The following AP4E1 variants were observed in gnomAD, a reference collection of about 807,000 sequenced individuals.
The protein encoded by AP4E1 is AP-4 complex subunit epsilon-1.
A neutral mutation model predicts 128.2 loss-of-function variants in AP4E1; 56 were observed. The observed-to-expected ratio is 0.44, with a 90% confidence interval of 0.35 to 0.55. The LOEUF (loss-of-function observed/expected upper bound fraction) is 0.55. Among genes scored for constraint, AP4E1 ranks in the 20% least tolerant of loss-of-function variants. The pLI is 0.00. For synonymous variants in AP4E1, 484 were observed against 473.1 expected (o/e 1.02, Z -0.30); for missense variants, 1,324 against 1,307.7 (o/e 1.01, Z -0.19).
chr15:50,938,425 C>T (rs2063938037), intron 8 of AP4E1, among the ~76,000 whole-genome samples: 1 of 152,236 alleles, frequency 6.6e-6, no homozygotes, highest in South Asian at 2.1e-4. Context: ...GCCAAGATTT[C>T]CATCATCACC....
rs114592442 is a variant in AP4E1, at chr15:50,969,530, A to G, written c.1966+1153A>G. ...ATTTTTAAATTTTCTTAATTGACAA[A>G]TAATTATACATATTCATGGGGAATA... On this transcript the variant is annotated intron_variant, in intron 15 of 20. Transcript: ENST00000261842. 4.6e-3 allele frequency among the ~76,000 whole-genome samples: 697 copies of G among 152,116 alleles called. 7 individuals are homozygous for G. Among genetic ancestry groups the G allele is most frequent in the African/African-American group, 0.016 (653 of 41,482 alleles).
intron 5 of AP4E1, among the ~76,000 whole-genome samples, chr15:50,926,296 C>T (rs907361031): frequency 2.0e-5 from 3 of 151,856 alleles, no homozygotes; most frequent in African/African-American, 4.8e-5. Flanking sequence ...GCCACCATGC[C>T]CAGCTAATTT....
chr15:50,951,726 C>CTTTTTTT (rs71127166), intron 13 of AP4E1, among the ~76,000 whole-genome samples: 14 of 126,026 alleles, frequency 1.1e-4, no homozygotes, highest in African/African-American at 2.1e-4. Context: ...AATTTTCTTT[C>CTTTTTTT]TTTTTTTTTT....
intron 15 of AP4E1, among the ~76,000 whole-genome samples, chr15:50,978,170 G>A (rs2064584524): frequency 2.0e-5 from 3 of 152,074 alleles, no homozygotes; most frequent in Admixed American, 2.0e-4. Flanking sequence ...AGGTGAGATG[G>A]TGGGGAACAA....
chr15:51,003,035 A>T lies in AP4E1; in HGVS notation c.*373A>T, dbSNP rs985225785. 4.6e-6 allele frequency: 1 copy of T among 218,534 alleles called. No individual in the cohort carries two copies. Among genetic ancestry groups the T allele is most frequent in the Non-Finnish European group, 9.3e-6 (1 of 107,880 alleles). 13.5% of individuals were successfully genotyped at this position (218,534 alleles called of 1,614,324 possible). A position where few individuals can be genotyped will look rare whatever the true frequency, so the allele number is the denominator to read the frequency against. On this transcript the variant is annotated 3_prime_UTR_variant, in exon 21 of 21. Coordinates refer to ENST00000261842, the MANE Select transcript of AP4E1 (RefSeq NM_007347.5). The stretch of plus-strand genomic sequence containing the variant: ...ATAAAGCCAAGTCTCAGTTTTCTGC[A>T]TTAAATGGAAGGGAGACATGAAATT...
chr15:50,919,943 G>A (rs1045767455), intron 3 of AP4E1, among the ~76,000 whole-genome samples: 4 of 151,604 alleles, frequency 2.6e-5, no homozygotes, highest in Admixed American at 2.0e-4. Context: ...CTTGTGTGGT[G>A]GTACATGCCT....
chr15:50,997,495 G>A lies in AP4E1; in HGVS notation c.2516G>A (p.Gly839Glu). The A allele has an allele frequency of 1.9e-6, 3 of 1,614,060 alleles. No individual in the cohort carries two copies. The highest frequency in any genetic ancestry group is 2.5e-6 in the Non-Finnish European group (3 of 1,179,976). Residue 839 changes from glycine (G) to glutamate (E), a missense_variant, in exon 18 of 21, where the codon GGA becomes GAA. Transcript: ENST00000261842. ...DYYSNTLHDT[G>E]DKELKKFSLT... ...TATTCGAATACTTTGCACGATACAG[G>A]AGACAAGGAATTAAAGAAATTTTCT...
chr15:50,918,432 AT>A (rs2063655319), intron 3 of AP4E1, among the ~76,000 whole-genome samples: 1 of 152,208 alleles, frequency 6.6e-6, no homozygotes, highest in Non-Finnish European at 1.5e-5. Flanking sequence ...TAGGCAGGAA[AT>A]TTTGAAAACA....
intron 18 of AP4E1, among the ~76,000 whole-genome samples, chr15:50,998,160 A>G (rs1243930441): frequency 6.6e-6 from 1 of 151,062 alleles, no homozygotes; most frequent in Non-Finnish European, 1.5e-5. Context: ...GATTGCTGGA[A>G]GTATGTTTAA....
chr15:50,960,907 A>G (rs1297145051), intron 14 of AP4E1, among the ~76,000 whole-genome samples: 1 of 152,056 alleles, frequency 6.6e-6, no homozygotes, highest in Non-Finnish European at 1.5e-5. Context: ...AAGAGAGAAG[A>G]TTCAAATAAG....
At chr15:50,920,920 TCCCGAGTAACTGGGATTACAGGTG>T (rs1177374772) in intron 3 of AP4E1, among the ~76,000 whole-genome samples, 1 of 152,180 alleles carries the variant, frequency 6.6e-6, no homozygotes. Flanking sequence ...TGCCTCAGCC[TCCCGAGTAACTGGGATTACAGGTG>T]CCCGCCTGCC....
intron 17 of AP4E1, among the ~76,000 whole-genome samples, chr15:50,994,974 A>T (rs900273189): frequency 2.0e-5 from 3 of 152,170 alleles, no homozygotes; most frequent in Non-Finnish European, 4.4e-5. Context: ...ACTGAAGAGT[A>T]GAAAAAGGAG....
chr15:50,969,895 G>A (rs1011335512), intron 15 of AP4E1, among the ~76,000 whole-genome samples: 34 of 152,014 alleles, frequency 2.2e-4, no homozygotes, highest in Non-Finnish European at 4.4e-4. Flanking sequence ...TCCTGACCTC[G>A]TGATCTGCCC....
At chr15:50,924,401 TA>T (rs1168199253) in intron 4 of AP4E1, among the ~76,000 whole-genome samples, 1 of 152,102 alleles carries the variant, frequency 6.6e-6, no homozygotes, top group African/African-American at 2.4e-5. Context: ...AAAAGTCATT[TA>T]AAAAAAGAAT....
intron 2 of AP4E1, among the ~76,000 whole-genome samples, chr15:50,915,020 C>T (rs748337858): frequency 6.6e-6 from 1 of 152,096 alleles, no homozygotes; most frequent in Non-Finnish European, 1.5e-5. Context: ...ATTTTTGTTA[C>T]AGGAATTATT....
At chr15:50,988,213 T>C (rs935409516) in intron 16 of AP4E1, among the ~76,000 whole-genome samples, 1 of 152,228 alleles carries the variant, frequency 6.6e-6, no homozygotes, top group Non-Finnish European at 1.5e-5. Flanking sequence ...CCATTATAAA[T>C]TGAAAATATC....
chr15:50,909,535 C>G (rs2063537892), intron 1 of AP4E1, among the ~76,000 whole-genome samples: 1 of 152,182 alleles, frequency 6.6e-6, no homozygotes, highest in East Asian at 1.9e-4. Context: ...GTCTCTGCCT[C>G]AAGTGGGCTT....
intron 11 of AP4E1, among the ~76,000 whole-genome samples, chr15:50,949,488 T>C (rs2064114922): frequency 6.6e-6 from 1 of 152,112 alleles, no homozygotes; most frequent in African/African-American, 2.4e-5. Context: ...ATATTTAGCT[T>C]CTTTGAAGTG....
chr15:50,986,887 T>C (rs369458133), intron 16 of AP4E1, among the ~76,000 whole-genome samples: 1 of 152,132 alleles, frequency 6.6e-6, no homozygotes, highest in African/African-American at 2.4e-5. Flanking sequence ...GGAATGGTAC[T>C]AGCTCCTCCT....
Sources: allele counts gnomAD v4.1 joint callset (sites outside exome capture counted in the v4.1 genomes callset), GRCh38; gene constraint gnomAD v4.1.1; transcripts MANE v1.5; gene names NCBI Gene and HGNC (gene_info 2026-07-23, HGNC 2026-07-21).